The following RAD51B variants were observed in gnomAD, a reference collection of about 807,000 sequenced individuals.
RAD51B encodes the protein DNA repair protein RAD51 homolog 2.
Under a neutral mutation model 42.2 loss-of-function variants are expected in RAD51B, and 38 were observed. The ratio of observed to expected loss-of-function variants is 0.90; its 90% CI spans 0.70 to 1.18. The LOEUF is 1.18. Ranked by LOEUF, RAD51B falls within the 50% of genes most tolerant of loss-of-function variation. The pLI is 0.00. For synonymous variants in RAD51B, 154 were observed against 145.2 expected (o/e 1.06, Z -0.43); for missense variants, 373 against 400.7 (o/e 0.93, Z 0.59).
intron 9 of RAD51B, among the ~76,000 whole-genome samples, chr14:68,452,796 T>C (rs1279506608): frequency 6.6e-6 from 1 of 152,220 alleles, no homozygotes; most frequent in Admixed American, 6.5e-5. Context: ...GCCTATGAGA[T>C]GAGTGCTATT....
At chr14:68,480,241 T>C (rs1883067001), downstream of RAD51B, among the ~76,000 whole-genome samples, 1 of 152,032 alleles carries the variant, frequency 6.6e-6, no homozygotes, top group South Asian at 2.1e-4. Context: ...CCCGGTTAAC[T>C]TTTGTACTTT....
chr14:68,562,705 C>T (rs1889216304), intron 10 of RAD51B: 1 of 985,306 alleles, frequency 1.0e-6, no homozygotes. Context: ...GTTAGAGTGG[C>T]CATTTGTTTC....
At chr14:68,296,282 T>A (rs540583104) in intron 8 of RAD51B, among the ~76,000 whole-genome samples, 1 of 152,196 alleles carries the variant, frequency 6.6e-6, no homozygotes, top group East Asian at 1.9e-4. Context: ...GAAATAAGGA[T>A]TTTTTCTACA....
intron 7 of RAD51B, among the ~76,000 whole-genome samples, chr14:67,974,842 G>C (rs2074961495): frequency 6.6e-6 from 1 of 151,970 alleles, no homozygotes; most frequent in African/African-American, 2.4e-5. Context: ...TTTTTAATTA[G>C]TTGTGAACTG....
At chr14:68,466,600 G>A (rs1404940051) in intron 9 of RAD51B, among the ~76,000 whole-genome samples, 1 of 152,204 alleles carries the variant, frequency 6.6e-6, no homozygotes, top group Non-Finnish European at 1.5e-5. Context: ...CCAGAGTGTT[G>A]TCCACACCCA....
At chr14:68,039,907 T>G (rs1313987063) in intron 7 of RAD51B, among the ~76,000 whole-genome samples, 1 of 152,248 alleles carries the variant, frequency 6.6e-6, no homozygotes, top group Non-Finnish European at 1.5e-5. Flanking sequence ...ACACTACTTT[T>G]GTGGGAAAAG....
intron 8 of RAD51B, among the ~76,000 whole-genome samples, chr14:68,356,434 C>CAAA (rs55768026): frequency 4.7e-5 from 5 of 106,390 alleles, no homozygotes; most frequent in African/African-American, 1.7e-4. Context: ...GACTCCGTCT[C>CAAA]AAAAAAAAAA....
chr14:68,563,714 T>A (rs969080865), intron 10 of RAD51B: 2 of 985,284 alleles, frequency 2.0e-6, no homozygotes, highest in African/African-American at 3.5e-5. Context: ...GCTCCTTTTC[T>A]AAATGGGAAC....
At chr14:68,571,058 C>A in intron 10 of RAD51B, among the ~76,000 whole-genome samples, 1 of 152,146 alleles carries the variant, frequency 6.6e-6, no homozygotes, top group Non-Finnish European at 1.5e-5. Context: ...TAAGATCTAA[C>A]AACCCTCCCA....
intron 1 of RAD51B, among the ~76,000 whole-genome samples, chr14:67,822,645 C>T (rs1172932275): frequency 1.3e-5 from 2 of 152,190 alleles, no homozygotes; most frequent in African/African-American, 2.4e-5. Flanking sequence ...ATTGCTTGAG[C>T]CCAGGAGGGG....
intron 10 of RAD51B, among the ~76,000 whole-genome samples, chr14:68,511,772 C>A (rs1253208931): frequency 6.6e-6 from 1 of 151,350 alleles, no homozygotes; most frequent in East Asian, 1.9e-4. Flanking sequence ...GAAACTGAGG[C>A]CTCAGGGCAT....
At position 68,465,215 on chromosome 14, in the gene RAD51B, A is replaced by AT. The variant is rs1413191658; in HGVS notation, c.958-2950dup. On this transcript the variant is annotated intron_variant, in intron 9 of 10. Coordinates refer to ENST00000471583, the MANE Select transcript of RAD51B (RefSeq NM_133510.4). Reference sequence around the variant, plus strand: ...TACATACAGACAACAAAGATCTGAGATTTTTTTATATGTTTAGTTTATTTT... The same window carrying AT: ...TACATACAGACAACAAAGATCTGAGATTTTTTTTATATGTTTAGTTTATTTT... Among the ~76,000 whole-genome samples the AT allele has an allele frequency of 2.0e-5, 3 of 152,232 alleles. No individual in the cohort carries two copies. The East Asian group carries it at 5.8e-4, about 29-fold the overall frequency.
intron 7 of RAD51B, among the ~76,000 whole-genome samples, chr14:67,952,092 T>G (rs1566975405): frequency 6.6e-6 from 1 of 152,172 alleles, no homozygotes; most frequent in Non-Finnish European, 1.5e-5. Context: ...ATTCCAGAAT[T>G]TCTTTAATTT....
chr14:68,363,785 T>C (rs982592619), intron 8 of RAD51B, among the ~76,000 whole-genome samples: 1 of 152,152 alleles, frequency 6.6e-6, no homozygotes, highest in Admixed American at 6.5e-5. Context: ...AAGGTGGAGT[T>C]GCCCACTTAG....
intron 5 of RAD51B, among the ~76,000 whole-genome samples, chr14:67,876,271 A>G (rs779827272): frequency 1.3e-5 from 2 of 152,230 alleles, no homozygotes; most frequent in Non-Finnish European, 2.9e-5. Flanking sequence ...CATATTTATG[A>G]TGCTACATTT....
At chr14:68,019,928 C>T (rs1595267521) in intron 7 of RAD51B, among the ~76,000 whole-genome samples, 2 of 152,254 alleles carry the variant, frequency 1.3e-5, no homozygotes, top group East Asian at 3.9e-4. Flanking sequence ...ACACATTGCA[C>T]TTTCTCTTTG....
At chr14:67,949,425 C>T (rs1206397234) in intron 7 of RAD51B, among the ~76,000 whole-genome samples, 1 of 152,208 alleles carries the variant, frequency 6.6e-6, no homozygotes, top group African/African-American at 2.4e-5. Context: ...CTCATCTGTT[C>T]AAGTTTGGTC....
At chr14:68,330,790 A>G (rs1039072643) in intron 8 of RAD51B, among the ~76,000 whole-genome samples, 1 of 152,218 alleles carries the variant, frequency 6.6e-6, no homozygotes, top group African/African-American at 2.4e-5. Flanking sequence ...AGCAATTCAC[A>G]GTTAGTTTCT....
intron 10 of RAD51B, among the ~76,000 whole-genome samples, chr14:68,603,217 C>T (rs546854983): frequency 1.3e-5 from 2 of 152,268 alleles, no homozygotes; most frequent in African/African-American, 2.4e-5. Context: ...TAATTTTATT[C>T]TCTTTATTGA....
Sources: gnomAD v4.1 joint callset for allele counts (sites outside exome capture counted in the v4.1 genomes callset) on GRCh38, gnomAD v4.1.1 for gene constraint, MANE v1.5 for transcripts, NCBI Gene and HGNC (gene_info 2026-07-23, HGNC 2026-07-21) for gene names.